The following TOMM70 variants were observed in gnomAD, a reference collection of about 807,000 sequenced individuals.
The protein encoded by TOMM70 is mitochondrial import receptor subunit TOM70.
In TOMM70, 13 loss-of-function variants were observed where a neutral mutation model predicts 73.6. The ratio of observed to expected loss-of-function variants is 0.18; its 90% CI spans 0.11 to 0.28. TOMM70 has a LOEUF of 0.28. TOMM70 is among the 10% of genes least tolerant of loss of function. The probability of loss-of-function intolerance (pLI) is 1.00; values close to 1 mark genes in which losing one functional copy is unlikely to be tolerated. For missense variants in TOMM70, 609 were observed against 747.5 expected (o/e 0.81, Z 2.16); for synonymous variants, 257 against 271.2 (o/e 0.95, Z 0.51).
At chr3:100,373,318 G>A (rs1353797947) in intron 8 of TOMM70, among the ~76,000 whole-genome samples, 2 of 152,068 alleles carry the variant, frequency 1.3e-5, no homozygotes, top group Non-Finnish European at 2.9e-5. Context: ...GTTCTGTTTA[G>A]GGAAGTATAA....
chr3:100,370,384 T>C (rs1382951546), intron 9 of TOMM70, among the ~76,000 whole-genome samples: 1 of 152,240 alleles, frequency 6.6e-6, no homozygotes, highest in Non-Finnish European at 1.5e-5. Context: ...TAAGTGAGTG[T>C]ACCACAATTC....
At chr3:100,381,534 G>T (rs1240062010) in intron 5 of TOMM70, 81 bp downstream of exon 5, 4 of 1,313,570 alleles carry the variant, frequency 3.0e-6, no homozygotes, top group Non-Finnish European at 4.1e-6. Flanking sequence ...TTGTGAGATG[G>T]CTCAGAACCC....
At position 100,400,637 on chromosome 3, in the gene TOMM70, G is replaced by T. The variant is rs775965074; in HGVS notation, c.313C>A (p.His105Asn). 1.2e-6 allele frequency: 2 copies of T among 1,612,038 alleles called. No homozygotes were observed. The highest frequency in any genetic ancestry group is 1.7e-5 in the Admixed American group (1 of 59,938). Residue 105 changes from histidine (H) to asparagine (N), a missense_variant, in exon 1 of 12, where the codon CAC (histidine) becomes AAC (asparagine). His to Asn is a moderately conservative substitution (Grantham distance 68, BLOSUM62 1). This residue lies in a region of TOMM70 where 177 missense variants were observed against 163.5 expected (regional missense o/e 1.08). Transcript: ENST00000284320. ...GGGCTGCTTCTCACCATGTCCAAGT[G>T]AGCACCGGGACCTTCAGGGTGTCCG... The part of the protein sequence containing the change: ...GSGHPEGPGA[H>N]LDMNSLDRAQ...
intron 1 of TOMM70, among the ~76,000 whole-genome samples, chr3:100,400,398 A>G (rs1225435749): frequency 1.3e-5 from 2 of 152,222 alleles, no homozygotes; most frequent in Non-Finnish European, 2.9e-5. Context: ...GAAGAAAAGC[A>G]AAGGATTTTT....
chr3:100,392,848 G>A (rs1222868908), intron 1 of TOMM70, among the ~76,000 whole-genome samples: 3 of 152,164 alleles, frequency 2.0e-5, no homozygotes, highest in Admixed American at 6.5e-5. Flanking sequence ...ACACCTGCAT[G>A]TGTATGTTTA....
chr3:100,383,895 T>G (rs1358369452), intron 4 of TOMM70, among the ~76,000 whole-genome samples: 1 of 152,180 alleles, frequency 6.6e-6, no homozygotes, highest in Non-Finnish European at 1.5e-5. Flanking sequence ...TCTCACTAAA[T>G]TTTAATTCTA....
At chr3:100,378,850 C>CA (rs1375254407) in intron 5 of TOMM70, among the ~76,000 whole-genome samples, 2 of 151,914 alleles carry the variant, frequency 1.3e-5, no homozygotes, top group African/African-American at 2.4e-5. Context: ...AATAAAAATA[C>CA]AAAAAAATTA....
At chr3:100,366,562 G>A (rs1706449056) in intron 11 of TOMM70, among the ~76,000 whole-genome samples, 1 of 152,220 alleles carries the variant, frequency 6.6e-6, no homozygotes, top group Non-Finnish European at 1.5e-5. Flanking sequence ...ATGGCAACGT[G>A]ATAGGCTTAT....
chr3:100,399,322 T>C (rs1175185831), intron 1 of TOMM70, among the ~76,000 whole-genome samples: 1 of 151,838 alleles, frequency 6.6e-6, no homozygotes, highest in East Asian at 1.9e-4. Context: ...AATATGGAAA[T>C]GACTTGCATA....
At position 100,368,141 on chromosome 3, in the gene TOMM70, C is replaced by CAG. The variant is rs1706466692; in HGVS notation, c.1575_1576insCT (p.Asp526LeufsTer79). The stretch of plus-strand genomic sequence containing the variant: ...ATAAGTTCCAAACCTCTATCCAGAT[C>CAG]TTGCTTCCACTGAAGTTGAAGTAAA... On this transcript the variant is annotated frameshift_variant, in exon 11 of 12. Coordinates refer to ENST00000284320, the MANE Select transcript of TOMM70 (RefSeq NM_014820.5). LOFTEE classifies it high-confidence loss of function. The CAG allele has an allele frequency of 6.2e-7, 1 of 1,611,862 alleles. No homozygotes were observed.
chr3:100,365,856 G>A, intron 11 of TOMM70, 139 bp from the exon 12 acceptor site: 2 of 948,354 alleles, frequency 2.1e-6, no homozygotes, highest in Non-Finnish European at 3.1e-6. Flanking sequence ...GATGCTACAT[G>A]AAGTCTGACC....
intron 4 of TOMM70, among the ~76,000 whole-genome samples, chr3:100,384,209 A>G (rs1030698550): frequency 1.2e-4 from 18 of 152,250 alleles, no homozygotes; most frequent in African/African-American, 4.3e-4. Flanking sequence ...AACAGGTAGC[A>G]GACTGGATTT....
rs767687940 is a variant in TOMM70 at position 100,400,751 on chromosome 3, C to G, written c.199G>C (p.Glu67Gln). 1.8e-5 allele frequency: 28 copies of G among 1,598,110 alleles called. No homozygotes were observed. Among genetic ancestry groups the G allele is most frequent in the Non-Finnish European group, 2.3e-5 (27 of 1,175,186 alleles). The change falls in exon 1 of 12, where the codon GAG (glutamate) becomes CAG (glutamine). Residue 67 changes from glutamate (E) to glutamine (Q), a missense_variant. Coordinates refer to ENST00000284320, the MANE Select transcript of TOMM70 (RefSeq NM_014820.5). ...CTGGCGTCGCCCCGGCCTCTGGCCT[C>G]CCGGCGCCGTTGCTGCCGACTCCAC... ...YLWSRQQRRR[E>Q]ARGRGDASGL... is the part of the protein sequence containing the mutation.
At chr3:100,375,466 T>C (rs903465606) in intron 6 of TOMM70, among the ~76,000 whole-genome samples, 1 of 152,252 alleles carries the variant, frequency 6.6e-6, no homozygotes, top group Non-Finnish European at 1.5e-5. Context: ...ATATTCTGGA[T>C]GTTTCATGTA....
intron 11 of TOMM70, 28 bp downstream of exon 11, chr3:100,368,016 A>G (rs1054455627): frequency 1.9e-6 from 3 of 1,604,742 alleles, no homozygotes; most frequent in Non-Finnish European, 2.6e-6. Context: ...GAGCTACCAT[A>G]TATTTCCTAA....
rs140047061 is a variant in TOMM70, at chr3:100,368,003, A to G, written c.1673+41T>C. The G allele has an allele frequency of 2.6e-5, 42 of 1,589,796 alleles. No homozygotes were observed. The African/African-American group carries it at 4.6e-4, about 17-fold the overall frequency. ...AATAAGAACAAAAAGCTAAATATCT[A>G]TGGAGCTACCATATATTTCCTAACA... On this transcript the variant is annotated intron_variant, in intron 11 of 11. Transcript: ENST00000284320.
rs186793749 is a variant in TOMM70 at position 100,364,212 on chromosome 3, C to T, written c.*1352G>A. Reference sequence around the variant, plus strand: ...TTCTAAGTAAGGAGGTGGAGTAAAGCTTAAACACTGTCAGTACCCCTAGTG... The same window carrying T: ...TTCTAAGTAAGGAGGTGGAGTAAAGTTTAAACACTGTCAGTACCCCTAGTG... On this transcript the variant is annotated 3_prime_UTR_variant, in exon 12 of 12. Coordinates refer to ENST00000284320, the MANE Select transcript of TOMM70 (RefSeq NM_014820.5). The T allele has an allele frequency of 6.6e-6, 1 of 152,078 alleles. No homozygotes were observed. The highest frequency in any genetic ancestry group is 2.4e-5 in the African/African-American group (1 of 41,396). The allele number at this position is 152,078 out of a possible 1,614,324, so 9.4% of individuals were successfully genotyped here. A position where few individuals can be genotyped will look rare whatever the true frequency, so the allele number is the denominator to read the frequency against.
intron 4 of TOMM70, among the ~76,000 whole-genome samples, chr3:100,384,276 G>C (rs763080028): frequency 2.6e-4 from 39 of 152,192 alleles, no homozygotes; most frequent in Non-Finnish European, 3.8e-4. Context: ...ATATTCTCCA[G>C]GTAGAGTAAT....
At chr3:100,375,183 A>G (rs773528391) in intron 6 of TOMM70, 31 bp from the exon 7 acceptor site, 7 of 1,516,818 alleles carry the variant, frequency 4.6e-6, no homozygotes, top group Non-Finnish European at 6.2e-6. Flanking sequence ...AAGGTTCATC[A>G]TTACTTTTTT....
Sources: allele counts gnomAD v4.1 joint callset (sites outside exome capture counted in the v4.1 genomes callset), GRCh38; gene constraint gnomAD v4.1.1; regional missense constraint gnomAD v4.1.1; transcripts MANE v1.5; gene names NCBI Gene and HGNC (gene_info 2026-07-23, HGNC 2026-07-21).